Variants in PDE1C observed in about 807,000 individuals in gnomAD.
PDE1C encodes the protein dual specificity calcium/calmodulin-dependent 3',5'-cyclic nucleotide phosphodiesterase 1C.
A neutral mutation model predicts 93.1 loss-of-function variants in PDE1C; 62 were observed. The ratio of observed to expected loss-of-function variants is 0.67; its 90% CI spans 0.54 to 0.82. PDE1C has a LOEUF of 0.82. Ranked by LOEUF, PDE1C falls within the 40% of genes least tolerant of loss-of-function variation. The pLI is 0.00. For synonymous variants in PDE1C, 325 were observed against 310.1 expected (o/e 1.05, Z -0.50); for missense variants, 742 against 884.6 (o/e 0.84, Z 2.04).
chr7:31,837,964 G>A lies in PDE1C; in HGVS notation c.988C>T (p.Arg330Ter), dbSNP rs754659378. 8 of 1,607,314 alleles carry A rather than the reference G, an allele frequency of 5.0e-6. No homozygotes were observed. The highest frequency in any genetic ancestry group is 1.1e-5 in the South Asian group (1 of 90,918). ...ATCACCATTTCAATTACCAAGGTTC[G>A]AAACTCCCTTTTAGAGACAACCATG... The part of the protein sequence containing the change: ...NLSKDDWREF[R>*]TLVIEMVMAT... Residue 330 changes from arginine (R) to a stop codon, truncating the protein, a stop_gained, in exon 10 of 18, where the codon CGA becomes TGA. Coordinates refer to ENST00000396191, the MANE Select transcript of PDE1C (RefSeq NM_001191057.4). LOFTEE classifies it high-confidence loss of function.
At chr7:32,308,403 G>T (rs1281198656) in intron 1 of PDE1C, among the ~76,000 whole-genome samples, 1 of 152,258 alleles carries the variant, frequency 6.6e-6, no homozygotes, top group Non-Finnish European at 1.5e-5. Flanking sequence ...CCAGCACGCA[G>T]CTGGAGATCT....
chr7:32,229,154 C>T (rs991724303), intron 1 of PDE1C, among the ~76,000 whole-genome samples: 1 of 152,218 alleles, frequency 6.6e-6, no homozygotes, highest in Non-Finnish European at 1.5e-5. Context: ...TTCAGAGCAA[C>T]TTCTCTATAT....
At chr7:31,639,466 T>A in the PDE1C span, among the ~76,000 whole-genome samples, 1 of 151,950 alleles carries the variant, frequency 6.6e-6, no homozygotes, top group Non-Finnish European at 1.5e-5. Context: ...ATATATCCAC[T>A]TAACATAGTT....
chr7:32,233,283 T>C (rs572681676), intron 1 of PDE1C, among the ~76,000 whole-genome samples: 2 of 152,102 alleles, frequency 1.3e-5, no homozygotes, highest in South Asian at 2.1e-4. Context: ...AAACAACAAA[T>C]AGAGTGGACA....
chr7:32,373,517 T>C (rs1273658356), intron 1 of PDE1C, among the ~76,000 whole-genome samples: 1 of 152,256 alleles, frequency 6.6e-6, no homozygotes, highest in Non-Finnish European at 1.5e-5. Context: ...GGGATTTCTT[T>C]CTATCATGAC....
At chr7:31,828,246 G>A (rs1257578073) in intron 12 of PDE1C, 46 bp downstream of exon 12, 1 of 1,496,262 alleles carries the variant, frequency 6.7e-7, no homozygotes, top group South Asian at 1.1e-5. Context: ...TACTTCTACA[G>A]GCTTCCTGCT....
At chr7:31,645,594 TCATCACCACCACC>T in the PDE1C span, among the ~76,000 whole-genome samples, 3 of 152,010 alleles carry the variant, frequency 2.0e-5, no homozygotes, top group African/African-American at 4.8e-5. Flanking sequence ...ACCATAACCA[TCATCACCACCACC>T]CACCACCACC....
At chr7:31,992,614 A>G (rs1784274011) in intron 2 of PDE1C, among the ~76,000 whole-genome samples, 1 of 152,224 alleles carries the variant, frequency 6.6e-6, no homozygotes, top group Non-Finnish European at 1.5e-5. Flanking sequence ...ACCTCCAACA[A>G]ATAAGTACAG....
At chr7:31,821,255 AAC>A (rs1210989916) in intron 14 of PDE1C, among the ~76,000 whole-genome samples, 1 of 152,188 alleles carries the variant, frequency 6.6e-6, no homozygotes, top group Non-Finnish European at 1.5e-5. Flanking sequence ...AAATAGTTCA[AAC>A]ACACAGTTAT....
intron 1 of PDE1C, among the ~76,000 whole-genome samples, chr7:32,320,840 A>G (rs1173550118): frequency 6.6e-6 from 1 of 152,204 alleles, no homozygotes; most frequent in African/African-American, 2.4e-5. Flanking sequence ...GCTCTGTCCT[A>G]TATTGTCACC....
intron 2 of PDE1C, among the ~76,000 whole-genome samples, chr7:31,973,118 A>T (rs1172731528): frequency 1.3e-5 from 2 of 152,146 alleles, no homozygotes; most frequent in African/African-American, 4.8e-5. Flanking sequence ...TGAAATAAAT[A>T]AAAAAATTCA....
At chr7:32,296,305 C>G (rs1000097319) in intron 1 of PDE1C, among the ~76,000 whole-genome samples, 5 of 152,188 alleles carry the variant, frequency 3.3e-5, no homozygotes, top group Admixed American at 6.5e-5. Flanking sequence ...CCCAAGAATA[C>G]AAATTCCTTG....
chr7:31,791,834 A>C (rs180707702), intron 16 of PDE1C, among the ~76,000 whole-genome samples: 7 of 152,110 alleles, frequency 4.6e-5, no homozygotes, highest in Admixed American at 4.6e-4. Context: ...TGGGTCCCAG[A>C]GATGGAAAGA....
the PDE1C span, among the ~76,000 whole-genome samples, chr7:31,739,214 C>CACACACAA: frequency 1.3e-5 from 2 of 150,568 alleles, no homozygotes; most frequent in African/African-American, 2.4e-5. Context: ...CACACACACA[C>CACACACAA]ACACACACAC....
intron 1 of PDE1C, among the ~76,000 whole-genome samples, chr7:32,279,416 G>T (rs147926994): frequency 1.5e-4 from 23 of 152,182 alleles, no homozygotes; most frequent in Non-Finnish European, 2.8e-4. Context: ...TAGGGTGATT[G>T]TGGTTAACAA....
At chr7:31,697,251 A>C in the PDE1C span, 1 of 1,081,650 alleles carries the variant, frequency 9.2e-7, no homozygotes, top group South Asian at 1.7e-5. Context: ...TCTGGGGAGA[A>C]GCCACACTCA....
Position 31,752,593 on chromosome 7 carries a change from A to G in PDE1C, c.*791T>C, listed in dbSNP as rs1052222480. ...CTTTTGCAATGACTCTTAAACCTGC[A>G]GTCTTTAAGGCAAGATTTTTTGTAT... On this transcript the variant is annotated 3_prime_UTR_variant, in exon 18 of 18. Transcript: ENST00000396191. 1 of 152,128 alleles carries G rather than the reference A, an allele frequency of 6.6e-6. No homozygotes were observed. Among genetic ancestry groups the G allele is most frequent in the Non-Finnish European group, 1.5e-5 (1 of 68,020 alleles). The allele number at this position is 152,128 out of a possible 1,614,324, so 9.4% of individuals were successfully genotyped here.
At chr7:31,901,623 T>C (rs1399928308) in intron 2 of PDE1C, among the ~76,000 whole-genome samples, 4 of 151,176 alleles carry the variant, frequency 2.6e-5, no homozygotes, top group African/African-American at 9.7e-5. Context: ...TAATTTAACA[T>C]AGAAGGCTAA....
intron 3 of PDE1C, among the ~76,000 whole-genome samples, chr7:32,089,453 GT>G (rs1797333638): frequency 1.3e-5 from 2 of 152,098 alleles, no homozygotes; most frequent in Admixed American, 6.5e-5. Context: ...TCTGACAATG[GT>G]ACTATGATTT....
Sources: gnomAD v4.1 joint callset for allele counts (sites outside exome capture counted in the v4.1 genomes callset) on GRCh38, gnomAD v4.1.1 for gene constraint, MANE v1.5 for transcripts, NCBI Gene and HGNC (gene_info 2026-07-23, HGNC 2026-07-21) for gene names.